The following ABCB10 variants were observed in gnomAD, a reference collection of about 807,000 sequenced individuals.
ABCB10 encodes ATP-binding cassette sub-family B member 10, mitochondrial.
Under a neutral mutation model 65.4 loss-of-function variants are expected in ABCB10, and 54 were observed. The ratio of observed to expected loss-of-function variants is 0.83; its 90% confidence interval spans 0.66 to 1.04. ABCB10 has a LOEUF of 1.04. ABCB10 is among the 50% of genes least tolerant of loss of function. The pLI is 0.00. For synonymous variants in ABCB10, 418 were observed against 406.5 expected, an observed-to-expected ratio of 1.03 and a Z score of -0.34; for missense variants, 846 against 976.6, an observed-to-expected ratio of 0.87 and a Z score of 1.78.
At chr1:229,545,319 C>T (rs1396623204) in intron 3 of ABCB10, among the ~76,000 whole-genome samples, 1 of 152,154 alleles carries the variant, frequency 6.6e-6, no homozygotes, top group Non-Finnish European at 1.5e-5. Context: ...TTTTTCATTC[C>T]GTAAGTCAGA....
chr1:229,558,104 C>A (rs1338340420), intron 1 of ABCB10, 32 bp downstream of exon 1: 1 of 1,329,876 alleles, frequency 7.5e-7, no homozygotes, highest in Non-Finnish European at 9.6e-7. Flanking sequence ...AGGAGAGGCC[C>A]GGCGGAGGGA....
chr1:229,540,630 G>GA lies in ABCB10; in HGVS notation c.1178dup (p.Ala394ArgfsTer37). On this transcript the variant is annotated frameshift_variant, in exon 5 of 13. Coordinates refer to ENST00000344517, the MANE Select transcript of ABCB10 (RefSeq NM_012089.3). LOFTEE classifies it high-confidence loss of function. ...CTGCTCCAAAGAAACCAGCCCGGGCGAATGCCTCTTTCCTTGCTAACTGCA... is the reference window on the plus strand; with the variant it reads ...CTGCTCCAAAGAAACCAGCCCGGGCGAAATGCCTCTTTCCTTGCTAACTGCA... 1 of 1,611,542 alleles carries GA rather than the reference G, an allele frequency of 6.2e-7. No individual in the cohort carries two copies. The highest frequency in any genetic ancestry group is 2.2e-5 in the East Asian group (1 of 44,864).
chr1:229,530,059 G>T, intron 8 of ABCB10, 140 bp downstream of exon 8: 1 of 850,290 alleles, frequency 1.2e-6, no homozygotes, highest in Non-Finnish European at 1.8e-6. Flanking sequence ...CTGTTTGAGG[G>T]ATTTCTTTCC....
intron 1 of ABCB10, among the ~76,000 whole-genome samples, chr1:229,554,582 A>G (rs951682472): frequency 2.6e-5 from 4 of 152,188 alleles, no homozygotes; most frequent in African/African-American, 9.7e-5. Context: ...TTGACCCAAT[A>G]TATCCAAAAT....
chr1:229,546,163 C>T (rs1662961714), intron 3 of ABCB10, among the ~76,000 whole-genome samples: 1 of 146,938 alleles, frequency 6.8e-6, no homozygotes, highest in African/African-American at 2.5e-5. Context: ...CAGTGCGATA[C>T]TCCGTCTCAA....
At chr1:229,545,356 C>G (rs1662943168) in intron 3 of ABCB10, among the ~76,000 whole-genome samples, 1 of 152,188 alleles carries the variant, frequency 6.6e-6, no homozygotes, top group Non-Finnish European at 1.5e-5. Flanking sequence ...CCCTTCCTCT[C>G]TAAGTGCTTC....
At chr1:229,556,596 G>A (rs1413165320) in intron 1 of ABCB10, among the ~76,000 whole-genome samples, 1 of 152,150 alleles carries the variant, frequency 6.6e-6, no homozygotes, top group Non-Finnish European at 1.5e-5. Context: ...AGGATATCTG[G>A]GGACAGAGTG....
At chr1:229,552,572 C>T (rs376502877) in intron 1 of ABCB10, among the ~76,000 whole-genome samples, 1 of 152,192 alleles carries the variant, frequency 6.6e-6, no homozygotes, top group Non-Finnish European at 1.5e-5. Flanking sequence ...TGCTGGACAA[C>T]AGCGCTGGAT....
chr1:229,557,784 AT>A (rs906627567), intron 1 of ABCB10, among the ~76,000 whole-genome samples: 54 of 151,888 alleles, frequency 3.6e-4, no homozygotes, highest in African/African-American at 1.2e-3. Context: ...TTTGGCTAGA[AT>A]TTTTTTTTCC....
At chr1:229,519,624 C>G (rs945109017) in intron 11 of ABCB10, among the ~76,000 whole-genome samples, 1 of 152,074 alleles carries the variant, frequency 6.6e-6, no homozygotes, top group Non-Finnish European at 1.5e-5. Flanking sequence ...CCCGTCTCTA[C>G]TAAAAATACA....
chr1:229,535,419 C>A (rs1049485593), intron 6 of ABCB10, among the ~76,000 whole-genome samples: 3 of 152,032 alleles, frequency 2.0e-5, no homozygotes, highest in African/African-American at 7.3e-5. Context: ...AGCTATCAAG[C>A]CATAAAAAGA....
chr1:229,534,332 A>G (rs1300478344), intron 6 of ABCB10, among the ~76,000 whole-genome samples: 1 of 152,230 alleles, frequency 6.6e-6, no homozygotes, highest in Non-Finnish European at 1.5e-5. Flanking sequence ...GGGGATGCAA[A>G]TGGGACACAC....
rs1663046629 is a variant in ABCB10, at chr1:229,549,282, ACAGAAACACGGCACTGAGCCCTAGG to A, written c.645_669del (p.Leu216ValfsTer21). The A allele has an allele frequency of 6.2e-7, 1 of 1,613,992 alleles. No homozygotes were observed. The highest frequency in any genetic ancestry group is 1.7e-5 in the Admixed American group (1 of 59,994). On this transcript the variant is annotated frameshift_variant, in exon 2 of 13. Transcript: ENST00000344517. LOFTEE classifies it high-confidence loss of function. ...CGAATGGCATTGGCGGCAGCACCAC[ACAGAAACACGGCACTGAGCCCTAGG>A]CAGAGGCGGGTCAGGTTGTCGCTGT...
In ABCB10 at chr1:229,549,512, G is replaced by C. The variant is rs570587448; in HGVS notation, c.518-78C>G. ...GGTGCTGAGTCCAGGAGGCTTCCTT[G>C]CCAAATAAGCTGTTGTCAGAGTATG... On this transcript the variant is annotated intron_variant, in intron 1 of 12. Coordinates refer to ENST00000344517, the MANE Select transcript of ABCB10 (RefSeq NM_012089.3). 4.4e-6 allele frequency: 6 copies of C among 1,349,934 alleles called. No homozygotes were observed. The African/African-American group carries it at 8.7e-5, about 20-fold the overall frequency. 83.6% of individuals were successfully genotyped at this position (1,349,934 alleles called of 1,614,324 possible).
At chr1:229,541,784 T>C (rs1018974965) in intron 4 of ABCB10, among the ~76,000 whole-genome samples, 1 of 151,522 alleles carries the variant, frequency 6.6e-6, no homozygotes, top group Non-Finnish European at 1.5e-5. Flanking sequence ...TACAAAAAAT[T>C]TTAAAAATTA....
intron 12 of ABCB10, 83 bp downstream of exon 12, chr1:229,518,758 G>T: frequency 8.7e-7 from 1 of 1,153,556 alleles, no homozygotes. Context: ...GTATCACTTT[G>T]AGGTACAGAA....
At chr1:229,523,828 A>G (rs1662371085) in intron 10 of ABCB10, among the ~76,000 whole-genome samples, 3 of 152,106 alleles carry the variant, frequency 2.0e-5, no homozygotes, top group Non-Finnish European at 2.9e-5. Context: ...AATGTTCAAT[A>G]ATTTCACCAC....
rs1388321292 is a variant in ABCB10 at position 229,558,657 on chromosome 1, C to G, written c.-5G>C. 8 of 1,333,462 alleles carry G rather than the reference C, an allele frequency of 6.0e-6. No homozygotes were observed. The African/African-American group carries it at 1.1e-4, about 18-fold the overall frequency. 82.6% of individuals were successfully genotyped at this position (1,333,462 alleles called of 1,614,324 possible). A position where few individuals can be genotyped will look rare whatever the true frequency, so the allele number is the denominator to read the frequency against. ...CCAGGCAGGGGGGCCTCGCATGGCG[C>G]TGCGTGCGACCCGTACGCCTCAGCC... On this transcript the variant is annotated 5_prime_UTR_variant, in exon 1 of 13. Coordinates refer to ENST00000344517, the MANE Select transcript of ABCB10 (RefSeq NM_012089.3).
intron 5 of ABCB10, among the ~76,000 whole-genome samples, 170 bp from the exon 6 acceptor site, chr1:229,539,761 A>G (rs886434677): frequency 1.3e-5 from 2 of 152,252 alleles, no homozygotes; most frequent in African/African-American, 2.4e-5. Context: ...TAATATTGCA[A>G]TAATGAAGAA....
Sources: allele counts gnomAD v4.1 joint callset (sites outside exome capture counted in the v4.1 genomes callset), GRCh38; gene constraint gnomAD v4.1.1; transcripts MANE v1.5; gene names NCBI Gene and HGNC (gene_info 2026-07-23, HGNC 2026-07-21).